The following STK3 variants were observed in gnomAD, a reference collection of about 807,000 sequenced individuals.
The protein encoded by STK3 is serine/threonine kinase 3, also known as serine/threonine-protein kinase 3.
A neutral mutation model predicts 58.0 loss-of-function variants in STK3; 41 were observed. The observed-to-expected ratio is 0.71, with a 90% confidence interval of 0.55 to 0.92. The LOEUF (loss-of-function observed/expected upper bound fraction) is 0.92, where lower values mean the gene tolerates loss of function less well. Ranked by LOEUF, STK3 falls within the 40% of genes least tolerant of loss-of-function variation. The pLI, the probability that STK3 is intolerant of heterozygous loss-of-function variation, is 0.00. For synonymous variants in STK3, 170 were observed against 191.0 expected (o/e 0.89, Z 0.91); for missense variants, 479 against 602.7 (o/e 0.79, Z 2.15).
chr8:98,767,510 T>C (rs974511691), intron 2 of STK3, 139 bp from the exon 3 acceptor site: 2 of 797,556 alleles, frequency 2.5e-6, no homozygotes, highest in South Asian at 5.2e-5. Flanking sequence ...AGTAAACAAG[T>C]AACAATTTTA....
At chr8:98,475,848 T>C (rs1355261046) in intron 10 of STK3, among the ~76,000 whole-genome samples, 1 of 152,208 alleles carries the variant, frequency 6.6e-6, no homozygotes, top group Non-Finnish European at 1.5e-5. Flanking sequence ...TCCTCTAGAA[T>C]TTCTTGCTTT....
At chr8:98,445,502 CT>C (rs896631430) in intron 1 of STK3, among the ~76,000 whole-genome samples, 6 of 151,864 alleles carry the variant, frequency 4.0e-5, no homozygotes, top group Admixed American at 6.6e-5. Flanking sequence ...AGATATTTTA[CT>C]TTTTTTGTAT....
At chr8:98,602,731 A>C (rs1287072686) in intron 6 of STK3, among the ~76,000 whole-genome samples, 1 of 152,224 alleles carries the variant, frequency 6.6e-6, no homozygotes, top group African/African-American at 2.4e-5. Context: ...GAATTTTAAA[A>C]AGGCTTAACC....
intron 9 of STK3, among the ~76,000 whole-genome samples, chr8:98,540,403 C>T (rs567252380): frequency 1.3e-5 from 2 of 152,276 alleles, no homozygotes; most frequent in South Asian, 4.2e-4. Flanking sequence ...TTATTTGGAC[C>T]CAAAAGCAGG....
At chr8:98,739,441 A>C (rs1358912099) in intron 4 of STK3, among the ~76,000 whole-genome samples, 10 of 150,614 alleles carry the variant, frequency 6.6e-5, no homozygotes, top group Non-Finnish European at 5.9e-5. Context: ...GTTCATGAAA[A>C]TCCGCTGTTC....
At chr8:98,521,013 T>A (rs1243787826) in intron 10 of STK3, among the ~76,000 whole-genome samples, 2 of 152,192 alleles carry the variant, frequency 1.3e-5, no homozygotes, top group Non-Finnish European at 2.9e-5. Flanking sequence ...TATTTGTTCA[T>A]CTTCTGGCAA....
chr8:98,936,080 A>G (rs1840184193), intron 1 of STK3, among the ~76,000 whole-genome samples: 1 of 151,452 alleles, frequency 6.6e-6, no homozygotes. Flanking sequence ...CACACCAGCT[A>G]ATTTTGTTTT....
intron 3 of STK3, among the ~76,000 whole-genome samples, chr8:98,840,583 GTATA>G (rs59274441): frequency 0.026 from 2,093 of 79,854 alleles, 38 homozygotes; most frequent in Middle Eastern, 0.042. Flanking sequence ...AGAAAAAAAT[GTATA>G]TATATATATA....
chr8:98,400,999 G>C (rs184376328), downstream of STK3, among the ~76,000 whole-genome samples: 172 of 152,212 alleles, frequency 1.1e-3, no homozygotes, highest in African/African-American at 3.4e-3. Context: ...TGGGCCTTTT[G>C]ACTGCTCCAA....
chr8:98,614,577 AG>A (rs1342885185), intron 6 of STK3, among the ~76,000 whole-genome samples: 5 of 152,020 alleles, frequency 3.3e-5, no homozygotes, highest in African/African-American at 1.2e-4. Context: ...AGTGCCAGAC[AG>A]TGGGCGCAGG....
At chr8:98,762,132 A>G (rs752438224) in intron 3 of STK3, among the ~76,000 whole-genome samples, 9 of 152,152 alleles carry the variant, frequency 5.9e-5, no homozygotes, top group Non-Finnish European at 1.2e-4. Context: ...ATACTTCCCC[A>G]TATCTATCCC....
intron 3 of STK3, among the ~76,000 whole-genome samples, chr8:98,871,809 C>T (rs1837390533): frequency 6.6e-6 from 1 of 152,174 alleles, no homozygotes; most frequent in Admixed American, 6.5e-5. Flanking sequence ...TTGACTTCCT[C>T]TTTTCCTACT....
chr8:98,376,432 T>A (rs1188381949), intron 2 of STK3, among the ~76,000 whole-genome samples: 1 of 152,240 alleles, frequency 6.6e-6, no homozygotes, highest in Non-Finnish European at 1.5e-5. Context: ...TTTGATGAAG[T>A]CCAACTCATC....
chr8:98,681,272 C>T (rs991857459), intron 6 of STK3, among the ~76,000 whole-genome samples: 1 of 152,050 alleles, frequency 6.6e-6, no homozygotes, highest in African/African-American at 2.4e-5. Context: ...GCTGGGATTA[C>T]AGGCGTGAGC....
chr8:98,382,763 G>A (rs1817750211), intron 1 of STK3, among the ~76,000 whole-genome samples: 1 of 152,176 alleles, frequency 6.6e-6, no homozygotes, highest in Non-Finnish European at 1.5e-5. Context: ...ACATGACTGA[G>A]GGGAAAAGGC....
the STK3 span, among the ~76,000 whole-genome samples, chr8:98,365,954 A>AT: frequency 2.0e-3 from 295 of 148,008 alleles, no homozygotes; most frequent in African/African-American, 3.5e-3. Context: ...TGTGGTTTCC[A>AT]TTTTTTTTTT....
At chr8:98,433,137 C>T (rs557393204) in intron 3 of STK3, among the ~76,000 whole-genome samples, 3 of 152,112 alleles carry the variant, frequency 2.0e-5, no homozygotes, top group Non-Finnish European at 4.4e-5. Flanking sequence ...TTGGTAAAGG[C>T]GGAGTCCTAG....
intron 6 of STK3, among the ~76,000 whole-genome samples, chr8:98,611,386 A>G (rs2130207740): frequency 1.3e-5 from 2 of 152,272 alleles, no homozygotes; most frequent in South Asian, 4.1e-4. Context: ...AAAGTCTACA[A>G]TCAGAAAAAA....
At chr8:98,731,407 G>A (rs1828190563) in intron 4 of STK3, among the ~76,000 whole-genome samples, 1 of 152,090 alleles carries the variant, frequency 6.6e-6, no homozygotes, top group Non-Finnish European at 1.5e-5. Flanking sequence ...AAAAAAAAGG[G>A]GAAAGGGTTC....
Sources: gnomAD v4.1 joint callset for allele counts (sites outside exome capture counted in the v4.1 genomes callset) on GRCh38, gnomAD v4.1.1 for gene constraint, MANE v1.5 for transcripts, NCBI Gene and HGNC (gene_info 2026-07-23, HGNC 2026-07-21) for gene names.